Variants in CDKAL1 observed in about 807,000 individuals in gnomAD.
CDKAL1 encodes the protein threonylcarbamoyladenosine tRNA methylthiotransferase.
Under a neutral mutation model 68.2 loss-of-function variants are expected in CDKAL1, and 32 were observed. The observed-to-expected ratio is 0.47, with a 90% confidence interval of 0.35 to 0.63. The LOEUF is 0.63. CDKAL1 is among the 30% of genes least tolerant of loss of function. The pLI, the probability that CDKAL1 is intolerant of heterozygous loss-of-function variation, is 0.00. For synonymous variants in CDKAL1, 234 were observed against 244.3 expected (o/e 0.96, Z 0.39); for missense variants, 606 against 696.7 (o/e 0.87, Z 1.47).
chr6:21,093,726 T>A (rs896254007), intron 12 of CDKAL1, among the ~76,000 whole-genome samples: 10 of 40,756 alleles, frequency 2.5e-4, no homozygotes, highest in East Asian at 9.4e-4. Flanking sequence ...TTTTTTTTTT[T>A]TTTTTTTTGG....
chr6:20,631,994 A>G (rs531702987), intron 4 of CDKAL1, among the ~76,000 whole-genome samples: 2 of 152,200 alleles, frequency 1.3e-5, no homozygotes, highest in Non-Finnish European at 2.9e-5. Context: ...GTGTTCATTC[A>G]TCACATCTGT....
At chr6:20,985,417 C>G (rs1181798138) in intron 10 of CDKAL1, among the ~76,000 whole-genome samples, 2 of 152,128 alleles carry the variant, frequency 1.3e-5, no homozygotes, top group Non-Finnish European at 2.9e-5. Context: ...CCTCAGCCTC[C>G]CAAGTAGCTG....
At chr6:20,790,311 A>G (rs1775843995) in intron 8 of CDKAL1, among the ~76,000 whole-genome samples, 2 of 152,148 alleles carry the variant, frequency 1.3e-5, no homozygotes, top group East Asian at 1.9e-4. Flanking sequence ...GTCTTAAAAT[A>G]TCTTATAGGT....
At chr6:20,991,599 C>T (rs1421751338) in intron 10 of CDKAL1, among the ~76,000 whole-genome samples, 3 of 149,386 alleles carry the variant, frequency 2.0e-5, no homozygotes, top group East Asian at 2.0e-4. Flanking sequence ...CCCAGCTACT[C>T]GAGAGGCTGA....
rs185494304 is a variant in CDKAL1, at chr6:21,169,261, A to G, written c.1300-28760A>G. On this transcript the variant is annotated intron_variant, in intron 13 of 15. Transcript: ENST00000274695. The stretch of plus-strand genomic sequence containing the variant: ...TCCCCACCAAAAACCTGTGTGATTT[A>G]AAAAGTGATGTTAATCCGACTAGCA... Among the ~76,000 whole-genome samples the G allele has an allele frequency of 3.7e-4, 57 of 152,374 alleles. 1 individual carries two copies. Among genetic ancestry groups the G allele is most frequent in the African/African-American group, 1.3e-3 (54 of 41,586 alleles).
chr6:21,010,485 C>G (rs957584006), intron 11 of CDKAL1, among the ~76,000 whole-genome samples: 1 of 152,162 alleles, frequency 6.6e-6, no homozygotes. Context: ...TCATCACTTG[C>G]TGCAGGCACA....
chr6:20,575,441 C>CAA (rs57442477), intron 4 of CDKAL1, among the ~76,000 whole-genome samples: 826 of 93,968 alleles, frequency 8.8e-3, no homozygotes, highest in East Asian at 0.013. Context: ...AGGGGCACCA[C>CAA]AAAAAAAAAA....
At chr6:21,074,338 A>G (rs4413602) in intron 12 of CDKAL1, among the ~76,000 whole-genome samples, 3,660 of 152,226 alleles carry the variant, frequency 0.024, 163 homozygotes, top group African/African-American at 0.082. Flanking sequence ...GTTTTCTTAA[A>G]AGGACTAAGT....
rs1279964499 is a variant in CDKAL1 at position 20,765,677 on chromosome 6, A to G, written c.517+7034A>G. Among the ~76,000 whole-genome samples the G allele has an allele frequency of 2.6e-5, 4 of 152,168 alleles. No individual in the cohort carries two copies. In the East Asian group the frequency reaches 7.7e-4, roughly 29 times the overall value. On this transcript the variant is annotated intron_variant, in intron 7 of 15. Transcript: ENST00000274695. ...TTTTCTTAAAAATAAGAGTAGGCTA[A>G]TTTCTTTATGGCCCCAAACAAAAAC...
At chr6:20,547,258 T>A (rs1222238383) in intron 3 of CDKAL1, among the ~76,000 whole-genome samples, 1 of 152,216 alleles carries the variant, frequency 6.6e-6, no homozygotes, top group African/African-American at 2.4e-5. Context: ...AGAAATGAGA[T>A]GTCAAATTGG....
chr6:20,636,383 G>C (rs1767906253), intron 4 of CDKAL1, among the ~76,000 whole-genome samples: 1 of 152,158 alleles, frequency 6.6e-6, no homozygotes. Context: ...TTAATGCTTA[G>C]AGTGGTTTCT....
chr6:20,881,486 C>G (rs1455471090), intron 9 of CDKAL1, among the ~76,000 whole-genome samples: 1 of 152,138 alleles, frequency 6.6e-6, no homozygotes, highest in Non-Finnish European at 1.5e-5. Flanking sequence ...TGAATGGACT[C>G]TTTCTGTTTT....
At chr6:20,578,086 C>T (rs1338094119) in intron 4 of CDKAL1, among the ~76,000 whole-genome samples, 2 of 152,144 alleles carry the variant, frequency 1.3e-5, no homozygotes, top group East Asian at 3.8e-4. Flanking sequence ...TTATTGTAAC[C>T]TTCCTTCCCC....
At chr6:20,779,207 A>G (rs938081143) in intron 7 of CDKAL1, among the ~76,000 whole-genome samples, 5 of 152,234 alleles carry the variant, frequency 3.3e-5, no homozygotes, top group Non-Finnish European at 7.3e-5. Context: ...ATTAAATGGT[A>G]TGACTGCTTT....
At position 20,556,973 on chromosome 6, in the gene CDKAL1, G is replaced by A. The variant is rs1386820692; in HGVS notation, c.286+8268G>A. On this transcript the variant is annotated intron_variant, in intron 4 of 15. Coordinates refer to ENST00000274695, the MANE Select transcript of CDKAL1 (RefSeq NM_017774.3). ...GAATGGCGTGAACCTGGGAGGCGGA[G>A]CTTGCAGTGAGCTGAGATCATGCCA... Among the ~76,000 whole-genome samples the A allele has an allele frequency of 2.0e-5, 3 of 150,084 alleles. No individual in the cohort carries two copies. In the East Asian group the frequency reaches 6.0e-4, roughly 30 times the overall value.
intron 8 of CDKAL1, among the ~76,000 whole-genome samples, chr6:20,841,727 G>C (rs1209191970): frequency 6.6e-6 from 1 of 152,142 alleles, no homozygotes; most frequent in Non-Finnish European, 1.5e-5. Flanking sequence ...GTGAGACCCT[G>C]TCTTTACAAA....
chr6:20,897,122 T>C (rs1761730476), intron 9 of CDKAL1, among the ~76,000 whole-genome samples: 1 of 152,172 alleles, frequency 6.6e-6, no homozygotes, highest in South Asian at 2.1e-4. Context: ...TCTAGCTGTT[T>C]ATTCACATGA....
Position 21,176,682 on chromosome 6 carries a change from G to GTTTTTT in CDKAL1, c.1300-21331_1300-21326dup, listed in dbSNP as rs777506511. Among the ~76,000 whole-genome samples, 124 of 119,838 alleles carry GTTTTTT rather than the reference G, an allele frequency of 1.0e-3. 12 individuals are homozygous for GTTTTTT. Among genetic ancestry groups the GTTTTTT allele is most frequent in the African/African-American group, 2.6e-3 (77 of 30,184 alleles). 78.6% of individuals were successfully genotyped at this position (119,838 alleles called of 152,430 possible). A position where few individuals can be genotyped will look rare whatever the true frequency, so the allele number is the denominator to read the frequency against. ...GAATGTCTTCATGGGCTGGATGTTG[G>GTTTTTT]TTTTTTTTTTTTTGTTTTTTTTTTT... is the stretch of plus-strand genomic sequence containing the variant. On this transcript the variant is annotated intron_variant, in intron 13 of 15. Transcript: ENST00000274695.
chr6:20,795,450 T>A (rs1393556337), intron 8 of CDKAL1, among the ~76,000 whole-genome samples: 1 of 152,128 alleles, frequency 6.6e-6, no homozygotes, highest in African/African-American at 2.4e-5. Context: ...CTGCATACTA[T>A]CCTTGAGAGA....
Sources: gnomAD v4.1 joint callset for allele counts (sites outside exome capture counted in the v4.1 genomes callset) on GRCh38, gnomAD v4.1.1 for gene constraint, MANE v1.5 for transcripts, NCBI Gene and HGNC (gene_info 2026-07-23, HGNC 2026-07-21) for gene names.